ZWILCH: variants seen among roughly 807,000 people sequenced by gnomAD.
ZWILCH encodes the protein zwilch kinetochore protein.
A neutral mutation model predicts 79.9 loss-of-function variants in ZWILCH; 74 were observed. The ratio of observed to expected loss-of-function variants is 0.93; its 90% CI spans 0.77 to 1.12. The LOEUF is 1.12. ZWILCH is among the 50% of genes most tolerant of loss of function. The probability of loss-of-function intolerance (pLI) is 0.00; values close to 1 mark genes in which losing one functional copy is unlikely to be tolerated. For missense variants in ZWILCH, 694 were observed against 687.5 expected (o/e 1.01, Z -0.11); for synonymous variants, 241 against 228.2 (o/e 1.06, Z -0.51).
intron 14 of ZWILCH, among the ~76,000 whole-genome samples, chr15:66,535,020 A>C (rs1236736825): frequency 6.6e-6 from 1 of 152,030 alleles, no homozygotes; most frequent in Admixed American, 6.6e-5. Flanking sequence ...TTCTTATTCT[A>C]TGAGCTTTTT....
At chr15:66,516,816 A>G in intron 4 of ZWILCH, among the ~76,000 whole-genome samples, 1 of 152,082 alleles carries the variant, frequency 6.6e-6, no homozygotes, top group Non-Finnish European at 1.5e-5. Context: ...TAGAAGTTTT[A>G]AAAGTTTAAT....
intron 12 of ZWILCH, 68 bp from the exon 13 acceptor site, chr15:66,532,179 T>C: frequency 1.6e-6 from 2 of 1,253,366 alleles, no homozygotes; most frequent in South Asian, 1.8e-5. Context: ...TGTAATTTGC[T>C]TCTCTTTTAC....
chr15:66,511,007 C>G (rs553154706), intron 2 of ZWILCH, among the ~76,000 whole-genome samples: 17 of 152,296 alleles, frequency 1.1e-4, no homozygotes, highest in African/African-American at 3.4e-4. Context: ...CTTCAAGATA[C>G]CATTTTTGGG....
chr15:66,509,870 T>TATAGAG (rs1491513134), intron 2 of ZWILCH, among the ~76,000 whole-genome samples: 1 of 100,600 alleles, frequency 9.9e-6, no homozygotes, highest in Non-Finnish European at 2.0e-5. Flanking sequence ...TATATATATA[T>TATAGAG]CTCTTAAAAA....
rs1213475952 is a variant in ZWILCH at position 66,505,392 on chromosome 15, G to T, written c.53+1G>T. The T allele has an allele frequency of 6.2e-7, 1 of 1,613,974 alleles. No homozygotes were observed. Among genetic ancestry groups the T allele is most frequent in the Non-Finnish European group, 8.5e-7 (1 of 1,179,982 alleles). ...AGGACTTTTATTCTCGTCTCCTTCA[G>T]TGAGTCTAGTCTCTTCTTTTGGCTG... On this transcript the variant is annotated splice_donor_variant, in intron 1 of 18. Coordinates refer to ENST00000307897, the MANE Select transcript of ZWILCH (RefSeq NM_017975.5). LOFTEE classifies it high-confidence loss of function.
At chr15:66,539,559 G>A (rs545299239) in intron 16 of ZWILCH, among the ~76,000 whole-genome samples, 2 of 152,024 alleles carry the variant, frequency 1.3e-5, no homozygotes, top group Non-Finnish European at 2.9e-5. Flanking sequence ...TCCTAACTGC[G>A]CTCTGCCTCT....
At chr15:66,521,877 T>G (rs1387597265) in intron 7 of ZWILCH, among the ~76,000 whole-genome samples, 1 of 152,110 alleles carries the variant, frequency 6.6e-6, no homozygotes. Context: ...CACTCTGTAT[T>G]TACATTTCTA....
At chr15:66,531,758 A>T (rs964833958) in intron 12 of ZWILCH, among the ~76,000 whole-genome samples, 2 of 152,006 alleles carry the variant, frequency 1.3e-5, no homozygotes, top group African/African-American at 4.8e-5. Flanking sequence ...ACCCAGTTCC[A>T]GAAATGGCAT....
At chr15:66,535,675 C>CA (rs35287244) in intron 14 of ZWILCH, among the ~76,000 whole-genome samples, 8,309 of 103,434 alleles carry the variant, frequency 0.08, 309 homozygotes, top group Middle Eastern at 0.16. Flanking sequence ...GACCCTGTCT[C>CA]AAAAAAAAAA....
intron 4 of ZWILCH, among the ~76,000 whole-genome samples, chr15:66,517,446 A>ATATG (rs1555424258): frequency 0.03 from 3,834 of 125,762 alleles, 200 homozygotes; most frequent in Middle Eastern, 0.052. Flanking sequence ...ATATATATAT[A>ATATG]TATATATATA....
At chr15:66,519,645 G>A (rs1459332910) in intron 5 of ZWILCH, among the ~76,000 whole-genome samples, 2 of 151,850 alleles carry the variant, frequency 1.3e-5, no homozygotes, top group Admixed American at 6.6e-5. Context: ...TAATAGAGAC[G>A]GGGTTACACC....
rs756159007 is a variant in ZWILCH, at chr15:66,535,958, A to G, written c.1367A>G (p.Asp456Gly). 13 of 1,608,646 alleles carry G rather than the reference A, an allele frequency of 8.1e-6. No individual in the cohort carries two copies. The highest frequency in any genetic ancestry group is 1.3e-5 in the African/African-American group (1 of 74,696). The change falls in exon 15 of 19, where the codon GAT becomes GGT. Residue 456 changes from aspartate to glycine, a missense_variant. Physicochemically the swap from Asp to Gly is moderately conservative, Grantham distance 94. Coordinates refer to ENST00000307897, the MANE Select transcript of ZWILCH (RefSeq NM_017975.5). ...HLEYFIAPSVDIQEQVYRVQK... is the reference protein window; with the variant it reads ...HLEYFIAPSVGIQEQVYRVQK... Reference sequence around the variant, plus strand: ...GAATACTTCATTGCTCCATCAGTAGATATACAAGAACAGGTTTATCGTGTC... The same window carrying G: ...GAATACTTCATTGCTCCATCAGTAGGTATACAAGAACAGGTTTATCGTGTC...
chr15:66,532,328 G>A lies in ZWILCH; in HGVS notation c.1237G>A (p.Gly413Arg). Residue 413 changes from glycine to arginine, a missense_variant, in exon 13 of 19, where the codon GGG becomes AGG. Gly to Arg is a moderately radical substitution (Grantham distance 125, BLOSUM62 -2). Coordinates refer to ENST00000307897, the MANE Select transcript of ZWILCH (RefSeq NM_017975.5). ...HGTMDTVSLSGTIPVQMLLEI... is the reference protein window; with the variant it reads ...HGTMDTVSLSRTIPVQMLLEI... The stretch of plus-strand genomic sequence containing the variant: ...AACCATGGACACAGTTTCTCTCAGT[G>A]GGACTATTCCAGTTCAAATGCTTTT... 1 of 1,612,680 alleles carries A rather than the reference G, an allele frequency of 6.2e-7. No homozygotes were observed. The highest frequency in any genetic ancestry group is 1.1e-5 in the South Asian group (1 of 90,884).
At chr15:66,548,257 C>G (rs1189110745) in intron 18 of ZWILCH, 94 bp from the exon 19 acceptor site, 2 of 330,428 alleles carry the variant, frequency 6.1e-6, no homozygotes, top group African/African-American at 4.2e-5. Flanking sequence ...TTATATACAG[C>G]AAAATCTTAA....
chr15:66,525,709 C>T (rs1201500435), intron 8 of ZWILCH, among the ~76,000 whole-genome samples: 5 of 151,634 alleles, frequency 3.3e-5, no homozygotes, highest in African/African-American at 1.2e-4. Flanking sequence ...CCAAGTTCGC[C>T]TATGCTCCTA....
chr15:66,526,195 A>G (rs965001595), intron 8 of ZWILCH, among the ~76,000 whole-genome samples: 21 of 152,196 alleles, frequency 1.4e-4, no homozygotes, highest in African/African-American at 2.4e-5. Flanking sequence ...TAACTAGATC[A>G]TGTCATTTTC....
chr15:66,529,338 CTT>C (rs370654105), intron 11 of ZWILCH, among the ~76,000 whole-genome samples, 154 bp from the exon 12 acceptor site: 1 of 146,574 alleles, frequency 6.8e-6, no homozygotes. Context: ...TTCATTAAAT[CTT>C]TTTTTTTTTT....
At chr15:66,508,601 G>T in intron 1 of ZWILCH, 1 of 612,782 alleles carries the variant, frequency 1.6e-6, no homozygotes, top group Non-Finnish European at 2.4e-6. Flanking sequence ...ACCCAATTGA[G>T]GGCAACAGTC....
intron 4 of ZWILCH, among the ~76,000 whole-genome samples, chr15:66,516,514 T>C (rs1209724550): frequency 6.6e-6 from 1 of 152,162 alleles, no homozygotes; most frequent in Non-Finnish European, 1.5e-5. Flanking sequence ...TTTTCTTTTT[T>C]TTTTCTTTGA....
Sources: allele counts gnomAD v4.1 joint callset (sites outside exome capture counted in the v4.1 genomes callset), GRCh38; gene constraint gnomAD v4.1.1; transcripts MANE v1.5; gene names NCBI Gene and HGNC (gene_info 2026-07-23, HGNC 2026-07-21).